The following ROBO1 variants were observed in gnomAD, a reference collection of about 807,000 sequenced individuals.
ROBO1 encodes the protein roundabout guidance receptor 1, also known as roundabout homolog 1.
A neutral mutation model predicts 195.9 loss-of-function variants in ROBO1; 149 were observed. The ratio of observed to expected loss-of-function variants is 0.76; its 90% CI spans 0.67 to 0.87. ROBO1 has a LOEUF of 0.87. Ranked by LOEUF, ROBO1 falls within the 40% of genes least tolerant of loss-of-function variation. The probability of loss-of-function intolerance (pLI) is 0.00; values close to 1 mark genes in which losing one functional copy is unlikely to be tolerated. For synonymous variants in ROBO1, 816 were observed against 733.2 expected (o/e 1.11, Z -1.82); for missense variants, 1,933 against 2,068.3 (o/e 0.93, Z 1.27).
intron 2 of ROBO1, among the ~76,000 whole-genome samples, chr3:79,358,254 C>T (rs2035634896): frequency 6.6e-6 from 1 of 151,950 alleles, no homozygotes; most frequent in Admixed American, 6.6e-5. Context: ...TAGTGTTTGG[C>T]ATAAAATAAT....
intron 3 of ROBO1, among the ~76,000 whole-genome samples, chr3:78,955,409 T>C (rs531874506): frequency 5.3e-5 from 8 of 152,244 alleles, no homozygotes; most frequent in African/African-American, 1.9e-4. Context: ...TTCCCCTCTT[T>C]GTGTCCATGT....
chr3:78,766,872 T>C (rs183509392), intron 4 of ROBO1, among the ~76,000 whole-genome samples: 2 of 152,322 alleles, frequency 1.3e-5, no homozygotes, highest in South Asian at 2.1e-4. Context: ...TCTATTGAGA[T>C]GATCATTTGA....
rs540260221 is a variant in ROBO1, at chr3:78,692,558, G to A, written c.1046-3786C>T. On this transcript the variant is annotated intron_variant, in intron 8 of 30. Transcript: ENST00000464233. ...TGTGCTGGGATTACAGGTGTGAGCC[G>A]CCATGCCAGACCTATTGTAACTTTT... is the stretch of plus-strand genomic sequence containing the variant. Among the ~76,000 whole-genome samples the A allele has an allele frequency of 3.9e-5, 6 of 152,096 alleles. No homozygotes were observed. In the South Asian group the frequency reaches 8.3e-4, roughly 21 times the overall value.
At chr3:78,892,118 G>A (rs1319111584) in intron 4 of ROBO1, among the ~76,000 whole-genome samples, 3 of 152,186 alleles carry the variant, frequency 2.0e-5, no homozygotes, top group African/African-American at 7.2e-5. Flanking sequence ...CCAGCACTTT[G>A]AGAGGCTGAG....
At chr3:79,475,152 A>ATTT (rs1559925933) in intron 2 of ROBO1, among the ~76,000 whole-genome samples, 7 of 150,616 alleles carry the variant, frequency 4.6e-5, no homozygotes, top group Non-Finnish European at 8.9e-5. Context: ...TTTTTTTTTA[A>ATTT]AAAAAAATCT....
intron 1 of ROBO1, among the ~76,000 whole-genome samples, chr3:79,725,524 C>T (rs1448930096): frequency 6.6e-6 from 1 of 152,174 alleles, no homozygotes; most frequent in African/African-American, 2.4e-5. Context: ...CCGCGCCCGG[C>T]CCTCTCTTCT....
At chr3:79,448,871 C>T (rs987352912) in intron 2 of ROBO1, among the ~76,000 whole-genome samples, 2 of 152,076 alleles carry the variant, frequency 1.3e-5, no homozygotes, top group Admixed American at 6.6e-5. Flanking sequence ...TTGATACCTC[C>T]ATTATTGGTT....
chr3:78,695,449 C>G (rs1575954094), intron 8 of ROBO1, among the ~76,000 whole-genome samples: 1 of 151,598 alleles, frequency 6.6e-6, no homozygotes, highest in African/African-American at 2.4e-5. Context: ...TACAGTGAAA[C>G]CCCATCTCTA....
At chr3:78,826,903 C>CA (rs1360448644) in intron 4 of ROBO1, among the ~76,000 whole-genome samples, 1 of 152,122 alleles carries the variant, frequency 6.6e-6, no homozygotes, top group South Asian at 2.1e-4. Context: ...GTTGATGTTT[C>CA]AAATTTGGTA....
intron 2 of ROBO1, among the ~76,000 whole-genome samples, chr3:79,337,515 T>C (rs2034728866): frequency 6.6e-6 from 1 of 152,146 alleles, no homozygotes; most frequent in South Asian, 2.1e-4. Context: ...TCTGCAATGA[T>C]TGTAAGTTTC....
chr3:78,659,701 C>A lies in ROBO1; in HGVS notation c.2427G>T (p.Met809Ile). ...ATACTCATACCTTATACTCTTGGAC[C>A]ATTCCATTTTGAGTGTCTTCTGGAG... ...QPPPEDTQNG[M>I]VQEYKVWCLG... is the part of the protein sequence containing the mutation. The change falls in exon 17 of 31, where the codon ATG becomes ATT. Residue 809 changes from methionine to isoleucine, a missense_variant. Met to Ile is a conservative substitution (Grantham distance 10). Coordinates refer to ENST00000464233, the MANE Select transcript of ROBO1 (RefSeq NM_002941.4). 1.3e-6 allele frequency: 2 copies of A among 1,551,732 alleles called. No individual in the cohort carries two copies. The highest frequency in any genetic ancestry group is 8.7e-7 in the Non-Finnish European group (1 of 1,145,934).
chr3:79,240,761 C>T (rs1037216981), intron 2 of ROBO1, among the ~76,000 whole-genome samples: 2 of 152,142 alleles, frequency 1.3e-5, no homozygotes, highest in Non-Finnish European at 2.9e-5. Context: ...ATCCTCCAAC[C>T]TCAGCCTCAG....
intron 2 of ROBO1, among the ~76,000 whole-genome samples, chr3:79,285,902 G>C (rs1204682667): frequency 1.3e-5 from 2 of 151,740 alleles, no homozygotes; most frequent in East Asian, 3.9e-4. Flanking sequence ...AAGAAGCAAT[G>C]AAAAAAAGAC....
chr3:78,998,342 T>C (rs945553132), intron 3 of ROBO1, among the ~76,000 whole-genome samples: 3 of 152,186 alleles, frequency 2.0e-5, no homozygotes, highest in Admixed American at 6.6e-5. Flanking sequence ...GAACTAGTTT[T>C]ATTTCAGGCC....
chr3:78,994,251 T>A, intron 3 of ROBO1, among the ~76,000 whole-genome samples: 1 of 152,104 alleles, frequency 6.6e-6, no homozygotes, highest in East Asian at 1.9e-4. Flanking sequence ...GGCTCCAAGA[T>A]TTGAATTCAA....
At chr3:79,627,324 C>T (rs992890217) in intron 1 of ROBO1, among the ~76,000 whole-genome samples, 4 of 152,072 alleles carry the variant, frequency 2.6e-5, no homozygotes, top group African/African-American at 9.7e-5. Context: ...TGGAATAGAA[C>T]AGAGACCTCA....
At chr3:79,703,852 CACTT>C (rs1947690789) in intron 1 of ROBO1, among the ~76,000 whole-genome samples, 1 of 151,772 alleles carries the variant, frequency 6.6e-6, no homozygotes, top group Non-Finnish European at 1.5e-5. Context: ...TTCATTGGAC[CACTT>C]AGATTTTTGT....
chr3:79,527,152 A>G (rs1006874021), intron 2 of ROBO1, among the ~76,000 whole-genome samples: 1 of 152,174 alleles, frequency 6.6e-6, no homozygotes, highest in Non-Finnish European at 1.5e-5. Flanking sequence ...ATTCAATAGG[A>G]AGCAGATTTT....
chr3:78,847,328 T>C lies in ROBO1; in HGVS notation c.499+91273A>G, dbSNP rs1334882798. On this transcript the variant is annotated intron_variant, in intron 4 of 30. Transcript: ENST00000464233. ...TTTGGCAAATGTGTATCTTACATAA[T>C]AGGGACCAGAAATGTGTCAGGCCAC... Among the ~76,000 whole-genome samples, 3 of 152,284 alleles carry C rather than the reference T, an allele frequency of 2.0e-5. No homozygotes were observed. The East Asian group carries it at 5.8e-4, about 29-fold the overall frequency.
Sources: gnomAD v4.1 joint callset for allele counts (sites outside exome capture counted in the v4.1 genomes callset) on GRCh38, gnomAD v4.1.1 for gene constraint, MANE v1.5 for transcripts, NCBI Gene and HGNC (gene_info 2026-07-23, HGNC 2026-07-21) for gene names.